Variants in TMEM132C observed in about 807,000 individuals in gnomAD.
The protein encoded by TMEM132C is transmembrane protein 132C, also known as protein phosphatase 1, regulatory subunit 152.
In TMEM132C, 29 loss-of-function variants were observed where a neutral mutation model predicts 61.4. That is an observed-to-expected ratio of 0.47 (90% CI 0.35 to 0.64). The LOEUF (loss-of-function observed/expected upper bound fraction) is 0.64, where lower values mean the gene tolerates loss of function less well. TMEM132C is among the 30% of genes least tolerant of loss of function. The pLI is 0.00. For missense variants in TMEM132C, 1,408 were observed against 1,476.9 expected, an observed-to-expected ratio of 0.95 and a Z score of 0.76; for synonymous variants, 656 against 633.1, an observed-to-expected ratio of 1.04 and a Z score of -0.54.
chr12:128,271,871 A>G (rs1318210819), intron 1 of TMEM132C, among the ~76,000 whole-genome samples: 1 of 152,252 alleles, frequency 6.6e-6, no homozygotes, highest in Non-Finnish European at 1.5e-5. Flanking sequence ...TGGATGTATT[A>G]GATATTTCAT....
At chr12:128,490,091 A>G (rs868299128) in intron 2 of TMEM132C, among the ~76,000 whole-genome samples, 1 of 152,152 alleles carries the variant, frequency 6.6e-6, no homozygotes, top group Non-Finnish European at 1.5e-5. Context: ...CTAAGTATGG[A>G]TGAATAAGCA....
In TMEM132C at chr12:128,528,500, C is replaced by T. The variant is rs375381012; in HGVS notation, c.975-15457C>T. ...CTGGGCTATTCTGCTGATCACACAG[C>T]GGTGTCTCCTGCTCGCCCCACTCAC... On this transcript the variant is annotated intron_variant, in intron 2 of 8. Transcript: ENST00000435159. 8.3e-4 allele frequency among the ~76,000 whole-genome samples: 127 copies of T among 152,270 alleles called. No homozygotes were observed. The Middle Eastern group carries it at 0.01, about 12-fold the overall frequency.
At chr12:128,663,266 C>G (rs1001763694) in intron 4 of TMEM132C, among the ~76,000 whole-genome samples, 1 of 152,194 alleles carries the variant, frequency 6.6e-6, no homozygotes, top group African/African-American at 2.4e-5. Context: ...CCCTGCAGCG[C>G]CTGACCACCA....
intron 2 of TMEM132C, among the ~76,000 whole-genome samples, chr12:128,492,705 T>C: frequency 6.6e-6 from 1 of 152,224 alleles, no homozygotes; most frequent in East Asian, 1.9e-4. Context: ...GTTGTTTGTT[T>C]TTTTCTTGTA....
rs1277080166 is a variant in TMEM132C, at chr12:128,622,360, A to AAAAAAT, written c.1305+6026_1305+6027insAAAATA. Among the ~76,000 whole-genome samples, 70 of 30,106 alleles carry AAAAAAT rather than the reference A, an allele frequency of 2.3e-3. 2 individuals carry two copies. Among genetic ancestry groups the AAAAAAT allele is most frequent in the Admixed American group, 5.0e-3 (11 of 2,204 alleles). The allele number at this position is 30,106 out of a possible 152,430, so 19.8% of individuals were successfully genotyped here. On this transcript the variant is annotated intron_variant, in intron 4 of 8. Coordinates refer to ENST00000435159, the MANE Select transcript of TMEM132C (RefSeq NM_001136103.3). ...CTTTGTCTCAAAAAAAAAAAAAAAA[A>AAAAAAT]ATATATATATATATATATATATATA...
chr12:128,702,316 A>G (rs541147157), intron 8 of TMEM132C, among the ~76,000 whole-genome samples: 2 of 151,692 alleles, frequency 1.3e-5, no homozygotes, highest in East Asian at 3.9e-4. Context: ...GGTTCGTTTT[A>G]TGTTATTTCA....
intron 5 of TMEM132C, among the ~76,000 whole-genome samples, chr12:128,691,094 T>A (rs1954716156): frequency 6.6e-6 from 1 of 152,208 alleles, no homozygotes. Flanking sequence ...AAATCAGCAA[T>A]TATAGCTTAG....
chr12:128,696,936 C>T (rs1388012904), intron 7 of TMEM132C, among the ~76,000 whole-genome samples: 1 of 152,214 alleles, frequency 6.6e-6, no homozygotes, highest in Admixed American at 6.5e-5. Context: ...ATTGTACAAG[C>T]ATACTTCATC....
chr12:128,282,062 A>G (rs910672187), intron 1 of TMEM132C, among the ~76,000 whole-genome samples: 1 of 152,220 alleles, frequency 6.6e-6, no homozygotes, highest in African/African-American at 2.4e-5. Flanking sequence ...TTATGTTTAA[A>G]CAAGCTCAAA....
intron 4 of TMEM132C, among the ~76,000 whole-genome samples, chr12:128,664,513 A>C (rs61940595): frequency 0.041 from 6,224 of 152,300 alleles, 137 homozygotes; most frequent in Middle Eastern, 0.092. Flanking sequence ...ACATTTAATA[A>C]TACAAAAAGC....
intron 2 of TMEM132C, among the ~76,000 whole-genome samples, chr12:128,435,951 A>G (rs919844050): frequency 6.6e-6 from 1 of 152,194 alleles, no homozygotes; most frequent in Non-Finnish European, 1.5e-5. Context: ...CAAATCAGAG[A>G]TATAGACCAA....
chr12:128,347,907 A>G (rs1049878940), intron 1 of TMEM132C, among the ~76,000 whole-genome samples: 3 of 152,080 alleles, frequency 2.0e-5, no homozygotes, highest in African/African-American at 7.2e-5. Flanking sequence ...TTTATTCAAG[A>G]CTGTTTTGGC....
At chr12:128,308,649 T>C (rs1871867743) in intron 1 of TMEM132C, among the ~76,000 whole-genome samples, 1 of 152,148 alleles carries the variant, frequency 6.6e-6, no homozygotes, top group Non-Finnish European at 1.5e-5. Flanking sequence ...CAGGCAGGGA[T>C]GAGCTGCGGG....
rs774555435 is a variant in TMEM132C, at chr12:128,630,577, T to C, written c.1305+14242T>C. 2.6e-5 allele frequency among the ~76,000 whole-genome samples: 4 copies of C among 152,146 alleles called. No homozygotes were observed. The highest frequency in any genetic ancestry group is 5.9e-5 in the Non-Finnish European group (4 of 68,036). On this transcript the variant is annotated intron_variant, in intron 4 of 8. Coordinates refer to ENST00000435159, the MANE Select transcript of TMEM132C (RefSeq NM_001136103.3). The surrounding 1 kb of genome is among the most constrained non-coding windows in gnomAD (Gnocchi z 4.3). ...GCAGTCTCATCTCTGCCAGACACGA[T>C]GCTATCTGTGCAGTCAGCCTCTCCA... is the stretch of plus-strand genomic sequence containing the variant.
chr12:128,462,437 T>C (rs1489880715), intron 2 of TMEM132C, among the ~76,000 whole-genome samples: 1 of 152,194 alleles, frequency 6.6e-6, no homozygotes, highest in Admixed American at 6.5e-5. Flanking sequence ...GTCAGACTTT[T>C]TATTTCCCTG....
At chr12:128,395,062 TACAC>T (rs1257934411) in intron 1 of TMEM132C, among the ~76,000 whole-genome samples, 2 of 151,958 alleles carry the variant, frequency 1.3e-5, no homozygotes, top group Admixed American at 6.6e-5. Context: ...AGTACATATT[TACAC>T]ACAAACACAC....
intron 2 of TMEM132C, among the ~76,000 whole-genome samples, chr12:128,498,627 A>T (rs1034129357): frequency 1.3e-5 from 2 of 152,174 alleles, no homozygotes; most frequent in African/African-American, 4.8e-5. Flanking sequence ...GCAAGCTGGG[A>T]TCATGCCACT....
rs113117831 is a variant in TMEM132C, at chr12:128,475,196, C to G, written c.974+59576C>G. 1.5e-3 allele frequency among the ~76,000 whole-genome samples: 230 copies of G among 152,240 alleles called. 1 individual carries two copies. Among genetic ancestry groups the G allele is most frequent in the Admixed American group, 1.8e-3 (28 of 15,290 alleles). On this transcript the variant is annotated intron_variant, in intron 2 of 8. Transcript: ENST00000435159. ...CAGGTTACAGCCAGAAGGTAAGACC[C>G]CGCCCCCAACTCGAAATGTCATTTC...
intron 1 of TMEM132C, among the ~76,000 whole-genome samples, chr12:128,333,676 ATGTG>A (rs1460815746): frequency 4.0e-5 from 6 of 149,604 alleles, no homozygotes; most frequent in Admixed American, 4.0e-4. Context: ...TGTGGTGTGT[ATGTG>A]TGAGAGTGTG....
Sources: gnomAD v4.1 joint callset for allele counts (sites outside exome capture counted in the v4.1 genomes callset) on GRCh38, gnomAD v4.1.1 for gene constraint, Gnocchi (gnomAD v3.1) non-coding constraint, MANE v1.5 for transcripts, NCBI Gene and HGNC (gene_info 2026-07-23, HGNC 2026-07-21) for gene names.